The following PCDHB1 variants were observed in gnomAD, a reference collection of about 807,000 sequenced individuals.
PCDHB1 encodes the protein protocadherin beta-1.
A neutral mutation model predicts 43.5 loss-of-function variants in PCDHB1; 44 were observed. The observed-to-expected ratio is 1.01, with a 90% CI of 0.79 to 1.30. The LOEUF is 1.30. PCDHB1 is among the 50% of genes most tolerant of loss of function. The pLI is 0.00. For missense variants in PCDHB1, 919 were observed against 1,008.9 expected (o/e 0.91, Z 1.21); for synonymous variants, 392 against 400.8 (o/e 0.98, Z 0.26).
In PCDHB1 at chr5:141,052,832, A is replaced by G; in HGVS notation, c.1362A>G (p.Glu454=). Residue 454 remains glutamate (E), a synonymous_variant, in exon 1 of 1, where the codon GAA becomes GAG. Transcript: ENST00000306549. ...DVNDNPPIFR[E]DSYILTVREN... is the part of the protein sequence containing the mutation. ...ATGACAATCCTCCAATATTTCGGGA[A>G]GATTCCTATATCTTGACTGTTCGAG... 6 of 1,614,224 alleles carry G rather than the reference A, an allele frequency of 3.7e-6. No individual in the cohort carries two copies. Among genetic ancestry groups the G allele is most frequent in the Non-Finnish European group, 5.1e-6 (6 of 1,180,042 alleles).
Position 141,052,920 on chromosome 5 carries a change from A to C in PCDHB1, c.1450A>C (p.Asn484His). ...VHAEDLDLGE[N>H]AQITYSLLPP... The stretch of plus-strand genomic sequence containing the variant: ...TGCTGAGGATCTTGATTTGGGTGAG[A>C]ATGCCCAAATAACATATTCTCTGTT... The change falls in exon 1 of 1, where the codon AAT becomes CAT. Residue 484 changes from asparagine (N) to histidine (H), a missense_variant. Transcript: ENST00000306549. The C allele has an allele frequency of 6.2e-7, 1 of 1,614,214 alleles. No individual in the cohort carries two copies. The highest frequency in any genetic ancestry group is 2.2e-5 in the East Asian group (1 of 44,880).
chr5:141,058,306 G>T lies in PCDHB1; in HGVS notation c.*4379G>T, dbSNP rs1287816686. Reference sequence around the variant, plus strand: ...TTGTCTATCATGACTTGAGATTTTTGAAGAGTACTAGCCAGTTATTTGTAG... The same window carrying T: ...TTGTCTATCATGACTTGAGATTTTTTAAGAGTACTAGCCAGTTATTTGTAG... On this transcript the variant is annotated 3_prime_UTR_variant, in exon 1 of 1. Coordinates refer to ENST00000306549, the MANE Select transcript of PCDHB1 (RefSeq NM_013340.4). 2 of 152,058 alleles carry T rather than the reference G, an allele frequency of 1.3e-5. No homozygotes were observed. The highest frequency in any genetic ancestry group is 6.5e-5 in the Admixed American group (1 of 15,272). 9.4% of individuals were successfully genotyped at this position (152,058 alleles called of 1,614,324 possible).
Position 141,053,364 on chromosome 5 carries a change from T to C in PCDHB1, c.1894T>C (p.Ser632Pro), listed in dbSNP as rs1554267445. ...NGEIHTLRQISERDPMMQKLI... is the reference protein window; with the variant it reads ...NGEIHTLRQIPERDPMMQKLI... ...AGAAATCCATACATTAAGGCAGATA[T>C]CTGAGAGAGACCCCATGATGCAGAA... is the stretch of plus-strand genomic sequence containing the variant. The change falls in exon 1 of 1, where the codon TCT becomes CCT. Residue 632 changes from serine (S) to proline (P), a missense_variant. By Grantham distance (74) the Ser-to-Pro change is moderately conservative. Coordinates refer to ENST00000306549, the MANE Select transcript of PCDHB1 (RefSeq NM_013340.4). 12 of 1,614,200 alleles carry C rather than the reference T, an allele frequency of 7.4e-6. No homozygotes were observed. The highest frequency in any genetic ancestry group is 1.0e-5 in the Non-Finnish European group (12 of 1,180,024).
rs34007324 is a variant in PCDHB1 at position 141,051,620 on chromosome 5, G to T, written c.150G>T (p.Lys50Asn). ...GCTCGTTTGTGGCCAACGTAGCTAA[G>T]GACCTAGGACTGGAGGTAGGGAAGC... ...ESGSFVANVA[K>N]DLGLEVGKLA... is the part of the protein sequence containing the mutation. The change falls in exon 1 of 1, where the codon AAG becomes AAT. Residue 50 changes from lysine (K) to asparagine (N), a missense_variant. By Grantham distance (94) the Lys-to-Asn change is moderately conservative. Transcript: ENST00000306549. 10 of 1,614,120 alleles carry T rather than the reference G, an allele frequency of 6.2e-6. No homozygotes were observed. The East Asian group carries it at 2.0e-4, about 32-fold the overall frequency.
At position 141,053,472 on chromosome 5, in the gene PCDHB1, T is replaced by G; in HGVS notation, c.2002T>G (p.Ser668Ala). Residue 668 changes from serine (S) to alanine (A), a missense_variant, in exon 1 of 1, where the codon TCA (serine) becomes GCA (alanine). Ser to Ala is a moderately conservative substitution (Grantham distance 99, BLOSUM62 1). Coordinates refer to ENST00000306549, the MANE Select transcript of PCDHB1 (RefSeq NM_013340.4). ...CAACATCCTGCTGGTAGATGGCTTT[T>G]CAGAGCCCTACCTGCAGTTCCAGGA... ...SLNILLVDGF[S>A]EPYLQFQDPT... 2.5e-6 allele frequency: 4 copies of G among 1,614,138 alleles called. No homozygotes were observed. The highest frequency in any genetic ancestry group is 3.4e-6 in the Non-Finnish European group (4 of 1,179,980).
chr5:141,051,438 C>T lies in PCDHB1; in HGVS notation c.-33C>T. 2 of 1,607,936 alleles carry T rather than the reference C, an allele frequency of 1.2e-6. No homozygotes were observed. Among genetic ancestry groups the T allele is most frequent in the Non-Finnish European group, 1.7e-6 (2 of 1,175,266 alleles). Reference sequence around the variant, plus strand: ...GTGAAAGTATATCCGCAACAGTTGGCTCTGATTGCAGAGAGCGCGCTTGTG... The same window carrying T: ...GTGAAAGTATATCCGCAACAGTTGGTTCTGATTGCAGAGAGCGCGCTTGTG... On this transcript the variant is annotated 5_prime_UTR_variant, in exon 1 of 1. Transcript: ENST00000306549.
chr5:141,053,656 AT>A lies in PCDHB1; in HGVS notation c.2189del (p.Phe730SerfsTer58). The A allele has an allele frequency of 1.9e-6, 3 of 1,614,178 alleles. No individual in the cohort carries two copies. The highest frequency in any genetic ancestry group is 1.3e-5 in the African/African-American group (1 of 75,064). On this transcript the variant is annotated frameshift_variant, in exon 1 of 1. Transcript: ENST00000306549. LOFTEE classifies it high-confidence loss of function. ...KYREKFTIQE[H>X]FYDDCNFSNN... ...AGAGAAAAGTTCACAATTCAAGAGC[AT>A]TTCTATGATGACTGTAATTTCTCTA... is the stretch of plus-strand genomic sequence containing the variant.
rs370497604 is a variant in PCDHB1, at chr5:141,057,540, C to CAAAAAAAAAAAAA, written c.*3619_*3631dup. On this transcript the variant is annotated 3_prime_UTR_variant, in exon 1 of 1. Transcript: ENST00000306549. ...CTGGCGACAAAGCAAGACTCTGTCT[C>CAAAAAAAAAAAAA]AAAAAAAAAAAAAAAAAAGAAAAAA... 3 of 72,348 alleles carry CAAAAAAAAAAAAA rather than the reference C, an allele frequency of 4.1e-5. No individual in the cohort carries two copies. The highest frequency in any genetic ancestry group is 3.3e-4 in the East Asian group (1 of 3,052). 4.5% of individuals were successfully genotyped at this position (72,348 alleles called of 1,614,324 possible).
Position 141,051,422 on chromosome 5 carries a change from T to C in PCDHB1, c.-49T>C. On this transcript the variant is annotated 5_prime_UTR_variant, in exon 1 of 1. Transcript: ENST00000306549. ...AACCTGTTGCAGAAAAGTGAAAGTA[T>C]ATCCGCAACAGTTGGCTCTGATTGC... The C allele has an allele frequency of 6.3e-7, 1 of 1,593,960 alleles. No homozygotes were observed. Among genetic ancestry groups the C allele is most frequent in the South Asian group, 1.1e-5 (1 of 88,706 alleles).
chr5:141,053,718 T>C lies in PCDHB1; in HGVS notation c.2248T>C (p.Ser750Pro), dbSNP rs1554267506. 6.2e-7 allele frequency: 1 copy of C among 1,614,032 alleles called. No homozygotes were observed. The highest frequency in any genetic ancestry group is 1.7e-5 in the Admixed American group (1 of 60,032). Residue 750 changes from serine (S) to proline (P), a missense_variant, in exon 1 of 1, where the codon TCT becomes CCT. Ser to Pro is a moderately conservative substitution (Grantham distance 74, BLOSUM62 -1). Transcript: ENST00000306549. ...ACAAGGACAAGGCAATGGATCCTTATCTCGGCCTTGTCCATATGAAATGTG... is the reference window on the plus strand; with the variant it reads ...ACAAGGACAAGGCAATGGATCCTTACCTCGGCCTTGTCCATATGAAATGTG... ...LVQGQGNGSL[S>P]RPCPYEMCSA...
Position 141,052,525 on chromosome 5 carries a change from T to C in PCDHB1, c.1055T>C (p.Val352Ala). The C allele has an allele frequency of 1.2e-6, 2 of 1,614,174 alleles. No individual in the cohort carries two copies. The highest frequency in any genetic ancestry group is 1.7e-6 in the Non-Finnish European group (2 of 1,180,028). ...CCTCCCGAAGTGATGGTCTCCTCTGTGTCCAGCCCACTCCCTGAAGACTCA... is the reference window on the plus strand; with the variant it reads ...CCTCCCGAAGTGATGGTCTCCTCTGCGTCCAGCCCACTCCCTGAAGACTCA... ...DNPPEVMVSSVSSPLPEDSPP... is the reference protein window; with the variant it reads ...DNPPEVMVSSASSPLPEDSPP... The change falls in exon 1 of 1, where the codon GTG (valine) becomes GCG (alanine). Residue 352 changes from valine to alanine, a missense_variant. Physicochemically the swap from Val to Ala is moderately conservative, Grantham distance 64 (BLOSUM62 0). Coordinates refer to ENST00000306549, the MANE Select transcript of PCDHB1 (RefSeq NM_013340.4).
rs1339215185 is a variant in PCDHB1 at position 141,056,784 on chromosome 5, T to C, written c.*2857T>C. 2.0e-5 allele frequency: 3 copies of C among 152,180 alleles called. No homozygotes were observed. The highest frequency in any genetic ancestry group is 1.9e-4 in the East Asian group (1 of 5,188). The allele number at this position is 152,180 out of a possible 1,614,324, so 9.4% of individuals were successfully genotyped here. On this transcript the variant is annotated 3_prime_UTR_variant, in exon 1 of 1. Transcript: ENST00000306549. The stretch of plus-strand genomic sequence containing the variant: ...CACGCCCAGCTAAATTTTGTGTTTT[T>C]AGTAGAGACGGGGCTTCGCCATGTT...
Position 141,057,540 on chromosome 5 carries a change from C to CAAAAAAAAAA in PCDHB1, c.*3622_*3631dup, listed in dbSNP as rs370497604. 2 of 72,320 alleles carry CAAAAAAAAAA rather than the reference C, an allele frequency of 2.8e-5. No individual in the cohort carries two copies. The highest frequency in any genetic ancestry group is 5.1e-5 in the African/African-American group (1 of 19,546). The allele number at this position is 72,320 out of a possible 1,614,324, so 4.5% of individuals were successfully genotyped here. ...CTGGCGACAAAGCAAGACTCTGTCT[C>CAAAAAAAAAA]AAAAAAAAAAAAAAAAAAGAAAAAA... On this transcript the variant is annotated 3_prime_UTR_variant, in exon 1 of 1. Coordinates refer to ENST00000306549, the MANE Select transcript of PCDHB1 (RefSeq NM_013340.4).
At position 141,055,719 on chromosome 5, in the gene PCDHB1, TG is replaced by T. The variant is rs1751119541; in HGVS notation, c.*1794del. On this transcript the variant is annotated 3_prime_UTR_variant, in exon 1 of 1. Transcript: ENST00000306549. ...TTAACACATGCAAACTGAGAAAAAG[TG>T]GCATTTTTAGTAAATCATTCATAAA... The T allele has an allele frequency of 6.6e-6, 1 of 152,228 alleles. No homozygotes were observed. Among genetic ancestry groups the T allele is most frequent in the African/African-American group, 2.4e-5 (1 of 41,466 alleles). The allele number at this position is 152,228 out of a possible 1,614,324, so 9.4% of individuals were successfully genotyped here. A position where few individuals can be genotyped will look rare whatever the true frequency, so the allele number is the denominator to read the frequency against.
rs370733686 is a variant in PCDHB1, at chr5:141,052,342, C to T, written c.872C>T (p.Thr291Met). Reference sequence around the variant, plus strand: ...CAAAACCCAGAAGCAATTCTCAAGACGTTTCAGATTGACCCTCAAAATGGA... The same window carrying T: ...CAAAACCCAGAAGCAATTCTCAAGATGTTTCAGATTGACCCTCAAAATGGA... ...LAQNPEAILK[T>M]FQIDPQNGEV... Residue 291 changes from threonine (T) to methionine (M), a missense_variant, in exon 1 of 1, where the codon ACG becomes ATG. Thr to Met is a moderately conservative substitution (Grantham distance 81). Transcript: ENST00000306549. 1.1e-5 allele frequency: 18 copies of T among 1,614,240 alleles called. No homozygotes were observed. The highest frequency in any genetic ancestry group is 2.2e-5 in the East Asian group (1 of 44,886).
chr5:141,053,643 A>T lies in PCDHB1; in HGVS notation c.2173A>T (p.Thr725Ser). Residue 725 changes from threonine (T) to serine (S), a missense_variant, in exon 1 of 1, where the codon ACA (threonine) becomes TCA (serine). Coordinates refer to ENST00000306549, the MANE Select transcript of PCDHB1 (RefSeq NM_013340.4). ...AAAGATTAAATATAGAGAAAAGTTC[A>T]CAATTCAAGAGCATTTCTATGATGA... Reference protein sequence around the residue: ...YQKIKYREKFTIQEHFYDDCN... With the variant: ...YQKIKYREKFSIQEHFYDDCN... The T allele has an allele frequency of 6.2e-7, 1 of 1,614,138 alleles. No individual in the cohort carries two copies. The highest frequency in any genetic ancestry group is 1.1e-5 in the South Asian group (1 of 91,080).
At position 141,052,583 on chromosome 5, in the gene PCDHB1, C is replaced by T; in HGVS notation, c.1113C>T (p.Ile371=). Residue 371 remains isoleucine (I), a synonymous_variant, in exon 1 of 1, where the codon ATC becomes ATT. Coordinates refer to ENST00000306549, the MANE Select transcript of PCDHB1 (RefSeq NM_013340.4). ...AGACAGTAGTAGCCCTTTTCACTAT[C>T]AGAGACCGGGACATTCGAGTGGGAG... ...PPQTVVALFT[I]RDRDIRVGGK... is the part of the protein sequence containing the mutation. 1 of 1,614,192 alleles carries T rather than the reference C, an allele frequency of 6.2e-7. No homozygotes were observed. The highest frequency in any genetic ancestry group is 8.5e-7 in the Non-Finnish European group (1 of 1,180,028).
In PCDHB1 at chr5:141,054,683, T is replaced by TG. The variant is rs1751085279; in HGVS notation, c.*757dup. 4.6e-5 allele frequency: 6 copies of TG among 129,372 alleles called. No individual in the cohort carries two copies. Among genetic ancestry groups the TG allele is most frequent in the Non-Finnish European group, 8.0e-5 (5 of 62,222 alleles). The allele number at this position is 129,372 out of a possible 1,614,324, so 8.0% of individuals were successfully genotyped here. On this transcript the variant is annotated 3_prime_UTR_variant, in exon 1 of 1. Transcript: ENST00000306549. ...TCTCCAAAATTAAATTAGATGTAGT[T>TG]GTTTTTTTTTTTTTTTTTTTTTTTT...
rs1170610177 is a variant in PCDHB1 at position 141,057,805 on chromosome 5, T to G, written c.*3878T>G. 1.3e-5 allele frequency: 2 copies of G among 152,152 alleles called. No individual in the cohort carries two copies. Among genetic ancestry groups the G allele is most frequent in the African/African-American group, 4.8e-5 (2 of 41,438 alleles). The allele number at this position is 152,152 out of a possible 1,614,324, so 9.4% of individuals were successfully genotyped here. ...CACTGAATGTGAAGTAGGCCACTTG[T>G]TTTTGGAGAGAACTCTGTACACCAG... On this transcript the variant is annotated 3_prime_UTR_variant, in exon 1 of 1. Coordinates refer to ENST00000306549, the MANE Select transcript of PCDHB1 (RefSeq NM_013340.4).
Sources: gnomAD v4.1 joint callset for allele counts on GRCh38, gnomAD v4.1.1 for gene constraint, MANE v1.5 for transcripts, NCBI Gene and HGNC (gene_info 2026-07-23, HGNC 2026-07-21) for gene names.